TRIM44: variants seen among roughly 807,000 people sequenced by gnomAD.
TRIM44 encodes tripartite motif containing 44, also known as tripartite motif-containing protein 44.
TRIM44 carries 13 observed loss-of-function variants against 37.4 expected under a neutral mutation model. The observed-to-expected ratio is 0.35, with a 90% CI of 0.23 to 0.55. The LOEUF is 0.55. Among genes scored for constraint, TRIM44 ranks in the 20% least tolerant of loss-of-function variants. The pLI is 0.89. For synonymous variants in TRIM44, 175 were observed against 157.2 expected, an observed-to-expected ratio of 1.11 and a Z score of -0.85; for missense variants, 426 against 437.2, an observed-to-expected ratio of 0.97 and a Z score of 0.23.
intron 4 of TRIM44, among the ~76,000 whole-genome samples, chr11:35,747,015 A>AAAAC (rs1852500601): frequency 1.3e-5 from 2 of 152,168 alleles, no homozygotes; most frequent in Admixed American, 1.3e-4. Context: ...GAGCATGAGA[A>AAAAC]AAACAGTGCA....
chr11:35,789,187 T>C (rs1853168907), intron 4 of TRIM44, among the ~76,000 whole-genome samples: 1 of 152,114 alleles, frequency 6.6e-6, no homozygotes, highest in Non-Finnish European at 1.5e-5. Flanking sequence ...AAGTAGTGAG[T>C]GGGTGAGTGG....
chr11:35,706,997 T>C (rs1851894083), intron 2 of TRIM44, among the ~76,000 whole-genome samples: 1 of 152,092 alleles, frequency 6.6e-6, no homozygotes, highest in African/African-American at 2.4e-5. Context: ...ATGACATGAT[T>C]GTATATCTAG....
intron 3 of TRIM44, among the ~76,000 whole-genome samples, chr11:35,734,561 T>C (rs1253420643): frequency 1.3e-5 from 2 of 152,136 alleles, no homozygotes; most frequent in African/African-American, 4.8e-5. Context: ...GAGACTACCC[T>C]TCAATGGCTA....
At chr11:35,664,391 T>C (rs1851310236) in intron 1 of TRIM44, among the ~76,000 whole-genome samples, 1 of 152,238 alleles carries the variant, frequency 6.6e-6, no homozygotes, top group African/African-American at 2.4e-5. Context: ...GTCGTGGACC[T>C]TACTGGTCCC....
chr11:35,817,007 T>A lies in TRIM44; in HGVS notation c.*10622T>A, dbSNP rs781698393. On this transcript the variant is annotated 3_prime_UTR_variant, in exon 5 of 5. Transcript: ENST00000299413. ...ACGGTAAGTACCTCAAATTACCGTA[T>A]GTATTTACTTGTTCATAAGGTTGAT... 6.6e-6 allele frequency: 1 copy of A among 152,178 alleles called. No homozygotes were observed. Among genetic ancestry groups the A allele is most frequent in the Non-Finnish European group, 1.5e-5 (1 of 68,036 alleles). 9.4% of individuals were successfully genotyped at this position (152,178 alleles called of 1,614,324 possible). A position where few individuals can be genotyped will look rare whatever the true frequency, so the allele number is the denominator to read the frequency against.
intron 1 of TRIM44, among the ~76,000 whole-genome samples, chr11:35,683,348 G>C (rs1402102236): frequency 2.6e-5 from 4 of 152,200 alleles, no homozygotes; most frequent in African/African-American, 4.8e-5. Context: ...CACATCTAAA[G>C]TAGATATTGG....
rs1851303481 is a variant in TRIM44 at position 35,663,772 on chromosome 11, G to A, written c.661G>A (p.Glu221Lys). 20 of 1,613,252 alleles carry A rather than the reference G, an allele frequency of 1.2e-5. No homozygotes were observed. Among genetic ancestry groups the A allele is most frequent in the Non-Finnish European group, 1.7e-5 (20 of 1,179,742 alleles). ...CTCCACCCTAGACGAAGCCTTTGAA[G>A]AATTAAGAGTAAGTATTGGGCCTTC... The part of the protein sequence containing the change: ...QLSTLDEAFE[E>K]LRSKDSGGLK... Residue 221 changes from glutamate to lysine, a missense_variant, in exon 1 of 5, where the codon GAA becomes AAA. By Grantham distance (56) the Glu-to-Lys change is moderately conservative. Around this residue, in one of 2 missense-constraint regions of TRIM44, gnomAD observed 331 missense variants for 303.0 expected, o/e 1.09. Coordinates refer to ENST00000299413, the MANE Select transcript of TRIM44 (RefSeq NM_017583.6).
At chr11:35,697,605 C>A (rs981909153) in intron 2 of TRIM44, among the ~76,000 whole-genome samples, 4 of 151,880 alleles carry the variant, frequency 2.6e-5, no homozygotes, top group South Asian at 4.2e-4. Context: ...CCTCCCCGCT[C>A]CCCACACCCC....
chr11:35,750,036 T>G (rs1373545537), intron 4 of TRIM44, among the ~76,000 whole-genome samples: 5 of 152,206 alleles, frequency 3.3e-5, no homozygotes, highest in Non-Finnish European at 7.3e-5. Context: ...CGTCTTAAAG[T>G]CTAGATATGG....
chr11:35,726,395 G>A (rs1852175845), intron 3 of TRIM44, among the ~76,000 whole-genome samples: 1 of 152,108 alleles, frequency 6.6e-6, no homozygotes, highest in South Asian at 2.1e-4. Context: ...GTCAGTGGGG[G>A]CAGATACTAA....
At chr11:35,776,325 T>C (rs1201941692) in intron 4 of TRIM44, among the ~76,000 whole-genome samples, 1 of 152,242 alleles carries the variant, frequency 6.6e-6, no homozygotes, top group Non-Finnish European at 1.5e-5. Flanking sequence ...TCATTTTTTA[T>C]TGTGTCTATT....
At position 35,796,675 on chromosome 11, in the gene TRIM44, C is replaced by T. The variant is rs560346331; in HGVS notation, c.1008-9683C>T. 3.9e-5 allele frequency among the ~76,000 whole-genome samples: 6 copies of T among 152,160 alleles called. No individual in the cohort carries two copies. The South Asian group carries it at 8.3e-4, about 21-fold the overall frequency. On this transcript the variant is annotated intron_variant, in intron 4 of 4. Coordinates refer to ENST00000299413, the MANE Select transcript of TRIM44 (RefSeq NM_017583.6). ...TTTCAGACCTCATCACAGGAGATCG[C>T]CAGTGATAGAAAATCCAGCAGCACT...
At chr11:35,691,016 C>T (rs1851631197) in intron 2 of TRIM44, among the ~76,000 whole-genome samples, 1 of 152,188 alleles carries the variant, frequency 6.6e-6, no homozygotes, top group Non-Finnish European at 1.5e-5. Flanking sequence ...TCACACTCTT[C>T]TTCTACCTCC....
At chr11:35,742,459 T>C (rs901752298) in intron 4 of TRIM44, among the ~76,000 whole-genome samples, 1 of 135,370 alleles carries the variant, frequency 7.4e-6, no homozygotes, top group African/African-American at 2.8e-5. Context: ...ATTATATTAA[T>C]TACAATTAAT....
At chr11:35,798,101 G>C (rs640255) in intron 4 of TRIM44, among the ~76,000 whole-genome samples, 87,905 of 152,068 alleles carry the variant, frequency 0.58, 26,647 homozygotes, top group South Asian at 0.73. Context: ...GTTCGGTCCA[G>C]AAAGGCAGGA....
At chr11:35,795,066 G>A (rs1240596988) in intron 4 of TRIM44, among the ~76,000 whole-genome samples, 1 of 152,132 alleles carries the variant, frequency 6.6e-6, no homozygotes, top group African/African-American at 2.4e-5. Flanking sequence ...CAAGATGTGA[G>A]GGTAAGAGCT....
intron 4 of TRIM44, among the ~76,000 whole-genome samples, chr11:35,758,103 A>T (rs1235894420): frequency 1.3e-5 from 2 of 152,146 alleles, no homozygotes; most frequent in Non-Finnish European, 2.9e-5. Context: ...GTGGGGTGTT[A>T]AAGTCTCCCA....
chr11:35,773,929 C>T (rs749098507), intron 4 of TRIM44, among the ~76,000 whole-genome samples: 2 of 152,214 alleles, frequency 1.3e-5, no homozygotes, highest in African/African-American at 2.4e-5. Flanking sequence ...CCACAATAAA[C>T]ATATGCGTGC....
intron 4 of TRIM44, among the ~76,000 whole-genome samples, chr11:35,772,014 G>A (rs1253433694): frequency 6.6e-6 from 1 of 152,176 alleles, no homozygotes; most frequent in Non-Finnish European, 1.5e-5. Context: ...CCTGTGCTGT[G>A]TGCAGCCTAG....
Sources: gnomAD v4.1 joint callset for allele counts (sites outside exome capture counted in the v4.1 genomes callset) on GRCh38, gnomAD v4.1.1 for gene constraint, gnomAD v4.1.1 regional missense constraint, MANE v1.5 for transcripts, NCBI Gene and HGNC (gene_info 2026-07-23, HGNC 2026-07-21) for gene names.